Variants in TMEM38B observed in about 807,000 individuals in gnomAD.
TMEM38B encodes the protein trimeric intracellular cation channel type B.
In TMEM38B, 24 loss-of-function variants were observed where a neutral mutation model predicts 28.7. The ratio of observed to expected loss-of-function variants is 0.84; its 90% CI spans 0.61 to 1.18. The LOEUF is 1.18. Among genes scored for constraint, TMEM38B ranks in the 50% most tolerant of loss-of-function variants. TMEM38B has a pLI of 0.00. For synonymous variants in TMEM38B, 131 were observed against 127.7 expected (o/e 1.03, Z -0.17); for missense variants, 380 against 350.9 (o/e 1.08, Z -0.66).
chr9:105,764,948 C>A (rs1347253034), intron 5 of TMEM38B, among the ~76,000 whole-genome samples: 7 of 152,196 alleles, frequency 4.6e-5, no homozygotes, highest in Non-Finnish European at 1.0e-4. Context: ...ACTGTCTGAT[C>A]TTTGACAAAC....
chr9:105,700,656 A>C (rs1388545619), intron 1 of TMEM38B, among the ~76,000 whole-genome samples: 1 of 152,182 alleles, frequency 6.6e-6, no homozygotes, highest in Non-Finnish European at 1.5e-5. Context: ...TCTATGAATT[A>C]AATCCTGGAA....
chr9:105,728,653 G>A (rs947602189), intron 4 of TMEM38B, among the ~76,000 whole-genome samples: 3 of 152,234 alleles, frequency 2.0e-5, no homozygotes, highest in South Asian at 2.1e-4. Flanking sequence ...AGATCCTTGA[G>A]GAATCACCAC....
chr9:105,746,050 A>C (rs1837379676), intron 4 of TMEM38B, among the ~76,000 whole-genome samples: 1 of 152,120 alleles, frequency 6.6e-6, no homozygotes, highest in South Asian at 2.1e-4. Context: ...CTTAGGATTG[A>C]CTTGGCAATG....
intron 5 of TMEM38B, chr9:105,759,651 T>C (rs1051113511): frequency 2.1e-5 from 33 of 1,600,310 alleles, no homozygotes; most frequent in Non-Finnish European, 2.1e-5. Flanking sequence ...ATCAATCTTT[T>C]CCAAACATAG....
intron 5 of TMEM38B, among the ~76,000 whole-genome samples, chr9:105,768,128 T>C (rs947064828): frequency 3.3e-5 from 5 of 152,122 alleles, no homozygotes; most frequent in African/African-American, 1.2e-4. Flanking sequence ...CTGAAAGTGT[T>C]TATCATGAAT....
chr9:105,774,947 C>T lies in TMEM38B; in HGVS notation c.*867C>T, dbSNP rs1371409686. The stretch of plus-strand genomic sequence containing the variant: ...TTTCTCAGCATTTTGCATGTTCTTT[C>T]TAATCTTTGTTGGTCTGAATATATT... On this transcript the variant is annotated 3_prime_UTR_variant, in exon 6 of 6. Coordinates refer to ENST00000374692, the MANE Select transcript of TMEM38B (RefSeq NM_018112.3). 6.6e-6 allele frequency: 1 copy of T among 151,932 alleles called. No individual in the cohort carries two copies. Among genetic ancestry groups the T allele is most frequent in the Non-Finnish European group, 1.5e-5 (1 of 67,948 alleles). The allele number at this position is 151,932 out of a possible 1,614,324, so 9.4% of individuals were successfully genotyped here.
intron 5 of TMEM38B, chr9:105,760,074 A>C: frequency 2.8e-6 from 3 of 1,080,124 alleles, no homozygotes; most frequent in Non-Finnish European, 4.2e-6. Context: ...TGACTGGTAC[A>C]CGAAGTTTGC....
intron 4 of TMEM38B, among the ~76,000 whole-genome samples, chr9:105,732,808 G>A (rs1052543079): frequency 6.6e-6 from 1 of 152,040 alleles, no homozygotes; most frequent in African/African-American, 2.4e-5. Flanking sequence ...TTTTGGTTTT[G>A]TATGAACTTT....
At chr9:105,724,635 AAAG>A (rs71366012) in intron 4 of TMEM38B, among the ~76,000 whole-genome samples, 26,272 of 144,670 alleles carry the variant, frequency 0.18, 3,430 homozygotes, top group East Asian at 0.45. Context: ...AAAAAAAAAA[AAAG>A]AAGAAGGTGG....
At chr9:105,761,386 TTC>T (rs1474187511) in intron 5 of TMEM38B, among the ~76,000 whole-genome samples, 1 of 152,190 alleles carries the variant, frequency 6.6e-6, no homozygotes, top group Non-Finnish European at 1.5e-5. Flanking sequence ...ATGTTTTGAA[TTC>T]TAATTTGCAT....
At chr9:105,734,262 C>A (rs183571535) in intron 4 of TMEM38B, among the ~76,000 whole-genome samples, 1 of 151,942 alleles carries the variant, frequency 6.6e-6, no homozygotes, top group African/African-American at 2.4e-5. Context: ...AAAATTCCTC[C>A]TGTTGTTGAT....
chr9:105,711,955 T>A (rs192328011), intron 2 of TMEM38B, among the ~76,000 whole-genome samples: 13 of 152,286 alleles, frequency 8.5e-5, no homozygotes, highest in Non-Finnish European at 1.3e-4. Context: ...GGAGTCTTGC[T>A]CTGTTGCCCA....
intron 2 of TMEM38B, among the ~76,000 whole-genome samples, chr9:105,711,638 G>T (rs965941581): frequency 1.3e-5 from 2 of 151,728 alleles, no homozygotes; most frequent in African/African-American, 4.8e-5. Flanking sequence ...CCAGGAGTTC[G>T]AACAACTGGT....
At chr9:105,706,472 T>C (rs1256224782) in intron 2 of TMEM38B, among the ~76,000 whole-genome samples, 1 of 152,208 alleles carries the variant, frequency 6.6e-6, no homozygotes, top group African/African-American at 2.4e-5. Context: ...AAGCTGGGCC[T>C]TGAATAAAGA....
At chr9:105,709,918 C>T (rs1344391275) in intron 2 of TMEM38B, among the ~76,000 whole-genome samples, 4 of 152,202 alleles carry the variant, frequency 2.6e-5, no homozygotes, top group Non-Finnish European at 2.9e-5. Flanking sequence ...TAAGAGACTA[C>T]GGCTGTCTTC....
At chr9:105,764,472 G>C (rs12341944) in intron 5 of TMEM38B, among the ~76,000 whole-genome samples, 77 of 152,198 alleles carry the variant, frequency 5.1e-4, no homozygotes, top group African/African-American at 9.4e-4. Flanking sequence ...TGAGTGAACT[G>C]CCATTCACAA....
At chr9:105,711,962 C>T (rs756631730) in intron 2 of TMEM38B, among the ~76,000 whole-genome samples, 42 of 152,102 alleles carry the variant, frequency 2.8e-4, no homozygotes, top group Non-Finnish European at 5.1e-4. Context: ...TGCTCTGTTG[C>T]CCAGGTTGGA....
chr9:105,694,552 C>A lies in TMEM38B; in HGVS notation c.-109C>A. On this transcript the variant is annotated 5_prime_UTR_variant, in exon 1 of 6. Coordinates refer to ENST00000374692, the MANE Select transcript of TMEM38B (RefSeq NM_018112.3). Reference sequence around the variant, plus strand: ...CAGGGCGCACGCGCGGAGCTGGAGCCGGCGCGGAGGAGCGGGCGGCCGCGG... The same window carrying A: ...CAGGGCGCACGCGCGGAGCTGGAGCAGGCGCGGAGGAGCGGGCGGCCGCGG... 2.8e-6 allele frequency: 2 copies of A among 712,956 alleles called. No homozygotes were observed. The highest frequency in any genetic ancestry group is 1.9e-5 in the African/African-American group (1 of 52,504). 44.2% of individuals were successfully genotyped at this position (712,956 alleles called of 1,614,324 possible).
At chr9:105,706,314 A>G (rs1835662567) in intron 2 of TMEM38B, among the ~76,000 whole-genome samples, 1 of 152,176 alleles carries the variant, frequency 6.6e-6, no homozygotes, top group South Asian at 2.1e-4. Flanking sequence ...TGTTGTTGAG[A>G]CATAGTCTTG....
Sources: allele counts gnomAD v4.1 joint callset (sites outside exome capture counted in the v4.1 genomes callset), GRCh38; gene constraint gnomAD v4.1.1; transcripts MANE v1.5; gene names NCBI Gene and HGNC (gene_info 2026-07-23, HGNC 2026-07-21).